Variants in PRELID2 observed in about 807,000 individuals in gnomAD.
PRELID2 encodes the protein PRELI domain-containing protein 2.
A neutral mutation model predicts 28.4 loss-of-function variants in PRELID2; 25 were observed. The observed-to-expected ratio is 0.88, with a 90% CI of 0.64 to 1.23. PRELID2 has a LOEUF of 1.23. Among genes scored for constraint, PRELID2 ranks in the 50% most tolerant of loss-of-function variants. PRELID2 has a pLI of 0.00. For missense variants in PRELID2, 201 were observed against 214.4 expected, an observed-to-expected ratio of 0.94 and a Z score of 0.39; for synonymous variants, 76 against 71.6, an observed-to-expected ratio of 1.06 and a Z score of -0.31.
chr5:145,589,595 T>C (rs534469524), intron 1 of PRELID2, among the ~76,000 whole-genome samples: 1 of 152,280 alleles, frequency 6.6e-6, no homozygotes, highest in South Asian at 2.1e-4. Context: ...GCATTTATTC[T>C]TATGTGAATT....
the PRELID2 span, among the ~76,000 whole-genome samples, chr5:145,330,507 C>T: frequency 0.23 from 35,324 of 151,776 alleles, 4,271 homozygotes; most frequent in Middle Eastern, 0.3. Flanking sequence ...CTTGGGAGAG[C>T]GTATGTGTCC....
chr5:145,728,411 C>T (rs529982743), intron 1 of PRELID2: 74 of 531,048 alleles, frequency 1.4e-4, no homozygotes, highest in African/African-American at 1.2e-3. Context: ...GAAATCCACA[C>T]TTCAAGCTTC....
At position 145,633,266 on chromosome 5, in the gene PRELID2, A is replaced by G. The variant is rs554088561; in HGVS notation, n.70+131665T>C. 4.3e-4 allele frequency among the ~76,000 whole-genome samples: 65 copies of G among 152,324 alleles called. No homozygotes were observed. In the South Asian group the frequency reaches 0.013, roughly 31 times the overall value. On this transcript the variant is annotated intron_variant and non_coding_transcript_variant, in intron 1 of 2. Transcript: ENST00000510259. ...CTTGTTGTTGTAAGCCACTAAATCC[A>G]TAATAATTTGTTATGCAGCAAATTT...
the PRELID2 span, among the ~76,000 whole-genome samples, chr5:145,320,273 C>CT: frequency 7.9e-3 from 1,132 of 142,706 alleles, 9 homozygotes; most frequent in African/African-American, 0.021. Context: ...CACTCAACAG[C>CT]TTTTTTTTTT....
At chr5:145,517,493 G>A (rs1752527121) in intron 1 of PRELID2, among the ~76,000 whole-genome samples, 1 of 152,146 alleles carries the variant, frequency 6.6e-6, no homozygotes, top group Non-Finnish European at 1.5e-5. Context: ...GGAAACAACA[G>A]ATTCTGGAGA....
chr5:145,456,525 G>A, the PRELID2 span, among the ~76,000 whole-genome samples: 112 of 152,074 alleles, frequency 7.4e-4, no homozygotes, highest in African/African-American at 2.6e-3. Flanking sequence ...CTTAATCTCC[G>A]ACACTTGTAC....
At chr5:145,382,829 C>A in the PRELID2 span, among the ~76,000 whole-genome samples, 3 of 151,806 alleles carry the variant, frequency 2.0e-5, no homozygotes, top group African/African-American at 7.2e-5. Flanking sequence ...ATCCATGTAA[C>A]AAACTTGTAC....
chr5:145,296,702 T>C, the PRELID2 span, among the ~76,000 whole-genome samples: 1 of 152,154 alleles, frequency 6.6e-6, no homozygotes, highest in Non-Finnish European at 1.5e-5. Context: ...TTTGGGTATA[T>C]ACCCAGTAAT....
the PRELID2 span, among the ~76,000 whole-genome samples, chr5:145,440,015 C>A: frequency 6.6e-6 from 1 of 152,068 alleles, no homozygotes; most frequent in Non-Finnish European, 1.5e-5. Flanking sequence ...CCAGGGAAAC[C>A]TCTATCCCAG....
At chr5:145,588,921 G>A (rs1007789149) in intron 1 of PRELID2, among the ~76,000 whole-genome samples, 3 of 151,824 alleles carry the variant, frequency 2.0e-5, no homozygotes, top group African/African-American at 7.3e-5. Context: ...TTATAGGAGT[G>A]ATATATGTTA....
At chr5:145,281,935 G>T in the PRELID2 span, among the ~76,000 whole-genome samples, 34 of 152,210 alleles carry the variant, frequency 2.2e-4, no homozygotes, top group African/African-American at 8.2e-4. Flanking sequence ...CTTAAAATAG[G>T]AAATAATGAT....
At chr5:145,391,298 C>T in the PRELID2 span, among the ~76,000 whole-genome samples, 1 of 152,244 alleles carries the variant, frequency 6.6e-6, no homozygotes, top group East Asian at 1.9e-4. Context: ...CAATTCTTGA[C>T]TTCTGTGCAC....
the PRELID2 span, among the ~76,000 whole-genome samples, chr5:145,313,291 G>A: frequency 6.6e-6 from 1 of 152,140 alleles, no homozygotes; most frequent in Non-Finnish European, 1.5e-5. Flanking sequence ...AAAAAGTGAA[G>A]CTTTTTCTGC....
intron 1 of PRELID2, among the ~76,000 whole-genome samples, chr5:145,711,921 T>G (rs1755706896): frequency 6.6e-6 from 1 of 152,184 alleles, no homozygotes; most frequent in Non-Finnish European, 1.5e-5. Context: ...CAAAGCAAAG[T>G]GAGCTCTCCA....
At chr5:145,377,503 C>CT in the PRELID2 span, among the ~76,000 whole-genome samples, 1 of 152,124 alleles carries the variant, frequency 6.6e-6, no homozygotes, top group Non-Finnish European at 1.5e-5. Flanking sequence ...AAATCTAAGT[C>CT]TTTTTTAAGG....
chr5:145,266,117 A>C, the PRELID2 span, among the ~76,000 whole-genome samples: 1 of 152,246 alleles, frequency 6.6e-6, no homozygotes, highest in African/African-American at 2.4e-5. Context: ...CAAATCAGCA[A>C]GAAAAAAAAT....
rs201512417 is a variant in PRELID2, at chr5:145,712,494, T to C, written n.70+52437A>G. On this transcript the variant is annotated intron_variant and non_coding_transcript_variant, in intron 1 of 2. Coordinates refer to the PRELID2 transcript ENST00000510259. ...AAAGATCCAGGTGTTAAACATCAACTAGCCCGCCACTGATAAATTAGATTG... is the reference window on the plus strand; with the variant it reads ...AAAGATCCAGGTGTTAAACATCAACCAGCCCGCCACTGATAAATTAGATTG... Among the ~76,000 whole-genome samples, 3 of 152,194 alleles carry C rather than the reference T, an allele frequency of 2.0e-5. No homozygotes were observed. The East Asian group carries it at 5.8e-4, about 29-fold the overall frequency.
intron 1 of PRELID2, among the ~76,000 whole-genome samples, chr5:145,500,969 C>G (rs1752355586): frequency 1.3e-5 from 2 of 152,122 alleles, no homozygotes; most frequent in South Asian, 4.1e-4. Context: ...TGACTGCAAG[C>G]AGAGGGAGGA....
At chr5:145,681,664 G>C (rs986513921) in intron 1 of PRELID2, among the ~76,000 whole-genome samples, 2 of 152,128 alleles carry the variant, frequency 1.3e-5, no homozygotes, top group Non-Finnish European at 2.9e-5. Context: ...GCTATTATTT[G>C]TAAGCTCTGG....
Sources: gnomAD v4.1 joint callset for allele counts (sites outside exome capture counted in the v4.1 genomes callset) on GRCh38, gnomAD v4.1.1 for gene constraint, MANE v1.5 for transcripts, NCBI Gene and HGNC (gene_info 2026-07-23, HGNC 2026-07-21) for gene names.